HSDL2: variants seen among roughly 807,000 people sequenced by gnomAD.
The protein encoded by HSDL2 is hydroxysteroid dehydrogenase-like protein 2.
HSDL2 carries 27 observed loss-of-function variants against 46.3 expected under a neutral mutation model. The observed-to-expected ratio is 0.58, with a 90% CI of 0.43 to 0.80. The LOEUF (loss-of-function observed/expected upper bound fraction) is 0.80. HSDL2 is among the 30% of genes least tolerant of loss of function. The pLI is 0.00. For missense variants in HSDL2, 451 were observed against 502.7 expected, an observed-to-expected ratio of 0.90 and a Z score of 0.98; for synonymous variants, 153 against 163.6, an observed-to-expected ratio of 0.94 and a Z score of 0.50.
intron 6 of HSDL2, among the ~76,000 whole-genome samples, chr9:112,435,737 G>T (rs1346134781): frequency 1.3e-5 from 2 of 151,764 alleles, no homozygotes; most frequent in Non-Finnish European, 2.9e-5. Context: ...TAATTTTTCT[G>T]TTTTTTTGAC....
chr9:112,450,128 G>A (rs921079437), intron 8 of HSDL2, among the ~76,000 whole-genome samples: 1 of 151,918 alleles, frequency 6.6e-6, no homozygotes, highest in Non-Finnish European at 1.5e-5. Context: ...AAATTAGTCT[G>A]TATAGAAAAG....
intron 1 of HSDL2, among the ~76,000 whole-genome samples, chr9:112,401,382 A>G (rs970813939): frequency 9.2e-5 from 13 of 141,876 alleles, no homozygotes; most frequent in Admixed American, 7.6e-5. Context: ...ACTTAAGTCC[A>G]GAGGCAGAGG....
At chr9:112,406,532 G>T (rs536625579) in intron 3 of HSDL2, among the ~76,000 whole-genome samples, 1 of 151,832 alleles carries the variant, frequency 6.6e-6, no homozygotes, top group East Asian at 2.0e-4. Context: ...GTGCAGTGGC[G>T]CAATCTCGGC....
At chr9:112,428,392 C>G (rs1421757374) in intron 6 of HSDL2, among the ~76,000 whole-genome samples, 1 of 152,164 alleles carries the variant, frequency 6.6e-6, no homozygotes, top group Non-Finnish European at 1.5e-5. Flanking sequence ...GCAGACAATT[C>G]TTTTAAGATT....
intron 1 of HSDL2, among the ~76,000 whole-genome samples, chr9:112,387,401 G>A (rs1444219937): frequency 6.6e-6 from 1 of 151,864 alleles, no homozygotes; most frequent in Non-Finnish European, 1.5e-5. Flanking sequence ...GTATTTTTTA[G>A]TAGAGATGGG....
rs1357757851 is a variant in HSDL2, at chr9:112,409,030, G to C, written c.395+9G>C. ...AGAGGCACCTACCTTGCGTAAGTTT[G>C]CAAGAAGAGTTGTTGGGGAGGAAGT... On this transcript the variant is annotated intron_variant, in intron 4 of 10. Coordinates refer to ENST00000398805, the MANE Select transcript of HSDL2 (RefSeq NM_032303.5). 6.7e-7 allele frequency: 1 copy of C among 1,487,504 alleles called. No homozygotes were observed. The highest frequency in any genetic ancestry group is 9.3e-7 in the Non-Finnish European group (1 of 1,071,632). 92.1% of individuals were successfully genotyped at this position (1,487,504 alleles called of 1,614,324 possible).
At chr9:112,380,251 G>T (rs1336013244) in intron 1 of HSDL2, 71 bp downstream of exon 1, 7 of 1,452,650 alleles carry the variant, frequency 4.8e-6, no homozygotes, top group Non-Finnish European at 6.4e-6. Context: ...GGCCGCCGCG[G>T]ATCGCCCGGG....
chr9:112,438,253 CAA>C (rs916243449), intron 6 of HSDL2, among the ~76,000 whole-genome samples, 176 bp from the exon 7 acceptor site: 1 of 151,776 alleles, frequency 6.6e-6, no homozygotes. Flanking sequence ...AAAATAAAAA[CAA>C]AAAAACAAAA....
Position 112,462,702 on chromosome 9 carries a change from C to T in HSDL2, c.1144+3125C>T, listed in dbSNP as rs138537754. Among the ~76,000 whole-genome samples the T allele has an allele frequency of 2.2e-3, 335 of 151,752 alleles. 1 individual carries two copies. Among genetic ancestry groups the T allele is most frequent in the African/African-American group, 7.7e-3 (318 of 41,384 alleles). On this transcript the variant is annotated intron_variant, in intron 10 of 10. Coordinates refer to ENST00000398805, the MANE Select transcript of HSDL2 (RefSeq NM_032303.5). ...TTTGTTAAAACAGTATTGTTGAGGTCTAATTCACATGCAATAAAATTTACC... is the reference window on the plus strand; with the variant it reads ...TTTGTTAAAACAGTATTGTTGAGGTTTAATTCACATGCAATAAAATTTACC...
chr9:112,417,045 A>G, intron 5 of HSDL2, 101 bp downstream of exon 5: 1 of 471,872 alleles, frequency 2.1e-6, no homozygotes, highest in South Asian at 5.1e-5. Context: ...CATAACATTC[A>G]TCATTGAATT....
chr9:112,392,363 G>A (rs754396081), intron 1 of HSDL2, among the ~76,000 whole-genome samples: 1 of 152,172 alleles, frequency 6.6e-6, no homozygotes, highest in African/African-American at 2.4e-5. Context: ...TGAGAGCAGA[G>A]AACCGGTTGA....
At chr9:112,419,159 C>T (rs1423586368) in intron 6 of HSDL2, among the ~76,000 whole-genome samples, 1 of 102,038 alleles carries the variant, frequency 9.8e-6, no homozygotes, top group Admixed American at 1.1e-4. Context: ...TAGGTGCACA[C>T]CACCATGCCT....
At chr9:112,420,348 A>G (rs951219352) in intron 6 of HSDL2, among the ~76,000 whole-genome samples, 3 of 151,962 alleles carry the variant, frequency 2.0e-5, no homozygotes, top group Non-Finnish European at 4.4e-5. Flanking sequence ...TGGCAATCAC[A>G]TCGCAGAAAA....
chr9:112,441,130 G>T lies in HSDL2; in HGVS notation c.794-569G>T, dbSNP rs1305125247. Among the ~76,000 whole-genome samples the T allele has an allele frequency of 2.6e-5, 4 of 152,138 alleles. No homozygotes were observed. The East Asian group carries it at 7.7e-4, about 29-fold the overall frequency. On this transcript the variant is annotated intron_variant, in intron 7 of 10. Transcript: ENST00000398805. ...GAGGAGGATCACTTGAGCCCAGGAG[G>T]TGGAGGTTGCAGTGAGCCAAGATCA...
intron 1 of HSDL2, among the ~76,000 whole-genome samples, chr9:112,381,100 C>CACACACACACACAA (rs1831082346): frequency 6.6e-6 from 1 of 151,554 alleles, no homozygotes; most frequent in African/African-American, 2.4e-5. Context: ...CACACACACA[C>CACACACACACACAA]ACACACACAC....
At chr9:112,399,608 A>T (rs1831542108) in intron 1 of HSDL2, among the ~76,000 whole-genome samples, 1 of 152,190 alleles carries the variant, frequency 6.6e-6, no homozygotes, top group Non-Finnish European at 1.5e-5. Context: ...AGACGTTCCC[A>T]GAGTGGCCGT....
At chr9:112,412,801 G>T (rs891562248) in intron 4 of HSDL2, among the ~76,000 whole-genome samples, 5 of 152,058 alleles carry the variant, frequency 3.3e-5, no homozygotes. Context: ...TAGATGTGAA[G>T]GTGCAATTAA....
At chr9:112,431,296 A>C (rs1276614819) in intron 6 of HSDL2, among the ~76,000 whole-genome samples, 1 of 152,150 alleles carries the variant, frequency 6.6e-6, no homozygotes, top group Non-Finnish European at 1.5e-5. Flanking sequence ...GTGGGTTATC[A>C]GCATATAGAA....
Position 112,441,679 on chromosome 9 carries a change from G to T in HSDL2, c.794-20G>T, listed in dbSNP as rs899647536. On this transcript the variant is annotated intron_variant, in intron 7 of 10. Transcript: ENST00000398805. ...ATGTTGTAGTTACATTAACCTAATG[G>T]TTTGGGGTCAATTTTTCAGGTCATC... The T allele has an allele frequency of 1.3e-6, 2 of 1,575,456 alleles. No homozygotes were observed. Among genetic ancestry groups the T allele is most frequent in the South Asian group, 1.1e-5 (1 of 90,210 alleles).
Sources: gnomAD v4.1 joint callset for allele counts (sites outside exome capture counted in the v4.1 genomes callset) on GRCh38, gnomAD v4.1.1 for gene constraint, MANE v1.5 for transcripts, NCBI Gene and HGNC (gene_info 2026-07-23, HGNC 2026-07-21) for gene names.